Variants in MAP3K15 observed in about 807,000 individuals in gnomAD.
MAP3K15 encodes mitogen-activated protein kinase kinase kinase 15, also known as MAPK/ERK kinase kinase 15.
MAP3K15 carries 124 observed loss-of-function variants against 99.5 expected under a neutral mutation model. That is an observed-to-expected ratio of 1.25 (90% CI 1.08 to 1.45). The LOEUF (loss-of-function observed/expected upper bound fraction) is 1.45, where lower values mean the gene tolerates loss of function less well. MAP3K15 is among the 40% of genes most tolerant of loss of function. The pLI is 0.00. For synonymous variants in MAP3K15, 494 were observed against 439.6 expected (o/e 1.12, Z -1.55); for missense variants, 1,242 against 1,079.7 (o/e 1.15, Z -2.11).
intron 6 of MAP3K15, among the ~76,000 whole-genome samples, chrX:19,451,808 A>C (rs1014760938): frequency 8.2e-5 from 9 of 109,873 alleles, no homozygotes; most frequent in African/African-American, 3.0e-4. Flanking sequence ...TCATGCCTGT[A>C]ATCTCAGCAC....
At position 19,360,320 on chromosome X, in the gene MAP3K15, C is replaced by A. The variant is rs2063267334; in HGVS notation, c.*429G>T. 1 of 145,749 alleles carries A rather than the reference C, an allele frequency of 6.9e-6. No homozygotes were observed. The highest frequency in any genetic ancestry group is 8.0e-5 in the Admixed American group (1 of 12,528). 12.0% of individuals were successfully genotyped at this position (145,749 alleles called of 1,213,427 possible). The stretch of plus-strand genomic sequence containing the variant: ...TCCCAGCTTCCATGTTTGTTAAATA[C>A]CCCTTGTTTGTTTCACCATTCCAGC... On this transcript the variant is annotated 3_prime_UTR_variant, in exon 29 of 29. Transcript: ENST00000338883.
chrX:19,482,192 A>AAAAAAAAAAAAAAAAAAC (rs2064296019), intron 3 of MAP3K15: 1 of 108,056 alleles, frequency 9.3e-6, no homozygotes, highest in African/African-American at 3.4e-5. Context: ...AAAAAAAAAA[A>AAAAAAAAAAAAAAAAAAC]AAAAGCCTAT....
chrX:19,394,789 CTTTTTTTTTTTTTTTTTTTTTTTTT>C (rs144723219), intron 16 of MAP3K15, among the ~76,000 whole-genome samples: 18 of 17,509 alleles, frequency 1.0e-3, no homozygotes, highest in South Asian at 2.2e-3. Context: ...GGGTCTGTTG[CTTTTTTTTTTTTTTTTTTTTTTTTT>C]TTTTTTTTTT....
At chrX:19,460,784 T>C (rs2064127338) in intron 4 of MAP3K15, among the ~76,000 whole-genome samples, 1 of 109,500 alleles carries the variant, frequency 9.1e-6, no homozygotes, top group Non-Finnish European at 1.9e-5. Context: ...TATTTTTATT[T>C]ATTTTTTTGA....
intron 3 of MAP3K15, chrX:19,481,771 T>C (rs1287024512): frequency 8.9e-6 from 1 of 111,854 alleles, no homozygotes; most frequent in African/African-American, 3.3e-5. Context: ...AAAAGACAGA[T>C]GATATCAAGT....
At chrX:19,502,736 A>G (rs1415412760) in intron 1 of MAP3K15, among the ~76,000 whole-genome samples, 2 of 111,761 alleles carry the variant, frequency 1.8e-5, no homozygotes, top group African/African-American at 6.5e-5. Context: ...CTGGAGAATC[A>G]CTTGAGCCCG....
chrX:19,395,502 G>A (rs780960363), intron 15 of MAP3K15, among the ~76,000 whole-genome samples: 5 of 110,891 alleles, frequency 4.5e-5, no homozygotes, highest in African/African-American at 1.6e-4. Context: ...GTTATTTTTC[G>A]GGCCTGAACC....
chrX:19,374,430 C>G (rs1469338329), intron 20 of MAP3K15, 47 bp downstream of exon 20: 5 of 1,144,383 alleles, frequency 4.4e-6, no homozygotes, highest in Non-Finnish European at 5.9e-6. Flanking sequence ...CAGCGCCCAG[C>G]ATTCTTGTGG....
intron 9 of MAP3K15, among the ~76,000 whole-genome samples, chrX:19,416,972 A>C (rs1347512229): frequency 8.9e-6 from 1 of 112,267 alleles, no homozygotes; most frequent in Non-Finnish European, 1.9e-5. Flanking sequence ...ATTTACATGA[A>C]GTGCTAAGAA....
chrX:19,496,576 G>A (rs764152954), intron 1 of MAP3K15: 1 of 111,232 alleles, frequency 9.0e-6, no homozygotes, highest in Non-Finnish European at 1.9e-5. Flanking sequence ...ATTCTAGAGT[G>A]GTGCAGAGTT....
intron 1 of MAP3K15, among the ~76,000 whole-genome samples, chrX:19,506,363 C>A (rs1045100398): frequency 4.5e-5 from 5 of 111,800 alleles, no homozygotes; most frequent in Non-Finnish European, 9.4e-5. Flanking sequence ...AGCCACCACA[C>A]CTGGCAACAG....
chrX:19,458,862 G>A (rs914725361), intron 5 of MAP3K15, among the ~76,000 whole-genome samples: 1 of 111,374 alleles, frequency 9.0e-6, no homozygotes, highest in African/African-American at 3.3e-5. Context: ...TGGCTTTGTG[G>A]AATTCTATGA....
intron 19 of MAP3K15, among the ~76,000 whole-genome samples, chrX:19,375,387 A>C (rs2063409857): frequency 9.0e-6 from 1 of 111,717 alleles, no homozygotes. Flanking sequence ...ACAAGCAGAC[A>C]AAACCTTGAG....
In MAP3K15 at chrX:19,366,357, G is replaced by A. The variant is rs992379853; in HGVS notation, c.3566+2697C>T. Among the ~76,000 whole-genome samples the A allele has an allele frequency of 2.7e-5, 3 of 111,768 alleles. No individual in the cohort carries two copies. In the East Asian group the frequency reaches 8.4e-4, roughly 31 times the overall value. On this transcript the variant is annotated intron_variant, in intron 25 of 28. Transcript: ENST00000338883. ...AGACACATCATCCTGTCTAAGAGGT[G>A]TCATCTTCCTTTGGCTCTGCCCAAC... is the stretch of plus-strand genomic sequence containing the variant.
intron 25 of MAP3K15, among the ~76,000 whole-genome samples, chrX:19,368,826 C>A (rs747840527): frequency 9.3e-6 from 1 of 107,861 alleles, no homozygotes; most frequent in African/African-American, 3.5e-5. Context: ...ACTATATATA[C>A]CTCTCTGATT....
At chrX:19,472,556 G>T (rs1010256382) in intron 3 of MAP3K15, among the ~76,000 whole-genome samples, 2 of 110,988 alleles carry the variant, frequency 1.8e-5, no homozygotes, top group African/African-American at 6.5e-5. Context: ...GACACCAAAT[G>T]GTAACTTGAA....
rs772800110 is a variant in MAP3K15, at chrX:19,362,837, G to C, written c.3580C>G (p.Leu1194Val). 4.4e-6 allele frequency: 5 copies of C among 1,126,738 alleles called. No individual in the cohort carries two copies. The Admixed American group carries it at 9.7e-5, about 22-fold the overall frequency. 92.9% of individuals were successfully genotyped at this position (1,126,738 alleles called of 1,213,427 possible). Residue 1194 changes from leucine (L) to valine (V), a missense_variant, in exon 26 of 29, where the codon CTA becomes GTA. Physicochemically the swap from Leu to Val is conservative, Grantham distance 32. Transcript: ENST00000338883. ...TGGTACTCTCTCTCTTTTTCAACTA[G>C]GTGTTCCAAAAGTCTGGTTTAAAAA... ...RQETNRLLEH[L>V]VEKEREYQNL...
intron 6 of MAP3K15, among the ~76,000 whole-genome samples, chrX:19,431,986 C>T (rs1160879474): frequency 9.9e-6 from 1 of 101,267 alleles, no homozygotes; most frequent in Non-Finnish European, 2.0e-5. Context: ...AATACATATA[C>T]GCATTCATCA....
At chrX:19,470,089 G>C (rs1441251643) in intron 3 of MAP3K15, among the ~76,000 whole-genome samples, 1 of 111,879 alleles carries the variant, frequency 8.9e-6, no homozygotes, top group African/African-American at 3.3e-5. Flanking sequence ...CTGCTATAAA[G>C]ACACATGCAC....
Sources: allele counts gnomAD v4.1 joint callset (sites outside exome capture counted in the v4.1 genomes callset), GRCh38; gene constraint gnomAD v4.1.1; transcripts MANE v1.5; gene names NCBI Gene and HGNC (gene_info 2026-07-23, HGNC 2026-07-21).